Variants in UBC observed in about 807,000 individuals in gnomAD.
UBC encodes the protein polyubiquitin-C.
Under a neutral mutation model 34.7 loss-of-function variants are expected in UBC, and 8 were observed. The ratio of observed to expected loss-of-function variants is 0.23; its 90% CI spans 0.14 to 0.42. The LOEUF (loss-of-function observed/expected upper bound fraction) is 0.42. Ranked by LOEUF, UBC falls within the 10% of genes least tolerant of loss-of-function variation. UBC has a pLI of 1.00. For missense variants in UBC, 323 were observed against 750.3 expected, an observed-to-expected ratio of 0.43 and a Z score of 6.65; for synonymous variants, 367 against 299.8, an observed-to-expected ratio of 1.22 and a Z score of -2.32.
In UBC at chr12:124,913,085, C is replaced by T. The variant is rs1953546677; in HGVS notation, c.687G>A (p.Met229Ile). ...CAGTGAGTGTCTTCACGAAGATTTGCATCCCACCTCTGAGACGGAGTACCA... is the reference window on the plus strand; with the variant it reads ...CAGTGAGTGTCTTCACGAAGATTTGTATCCCACCTCTGAGACGGAGTACCA... Reference protein sequence around the residue: ...LHLVLRLRGGMQIFVKTLTGK... With the variant: ...LHLVLRLRGGIQIFVKTLTGK... The change falls in exon 2 of 2, where the codon ATG becomes ATA. Residue 229 changes from methionine to isoleucine, a missense_variant. This residue lies in a region of UBC where 202 missense variants were observed against 361.9 expected (regional missense o/e 0.56). Transcript: ENST00000339647. 5 of 1,609,386 alleles carry T rather than the reference C, an allele frequency of 3.1e-6. No individual in the cohort carries two copies. The highest frequency in any genetic ancestry group is 4.2e-6 in the Non-Finnish European group (5 of 1,178,152).
intron 1 of UBC, chr12:124,914,342 G>A (rs1022458208): frequency 3.2e-5 from 5 of 157,638 alleles, no homozygotes; most frequent in African/African-American, 1.2e-4. Flanking sequence ...CAAGACCTTG[G>A]GTTCTTGCCG....
Position 124,913,012 on chromosome 12 carries a change from C to G in UBC, c.760G>C (p.Val254Leu). The G allele has an allele frequency of 6.2e-7, 1 of 1,611,150 alleles. No homozygotes were observed. The highest frequency in any genetic ancestry group is 8.5e-7 in the Non-Finnish European group (1 of 1,178,980). The change falls in exon 2 of 2, where the codon GTC becomes CTC. Residue 254 changes from valine (V) to leucine (L), a missense_variant. This residue lies in a region of UBC where 202 missense variants were observed against 361.9 expected (regional missense o/e 0.56). Coordinates refer to ENST00000339647, the MANE Select transcript of UBC (RefSeq NM_021009.7). ...TCCTTGTCTTGGATCTTTGCTTTGA[C>G]GTTCTCGATAGTGTCACTGGGCTCG... is the stretch of plus-strand genomic sequence containing the variant. ...EVEPSDTIEN[V>L]KAKIQDKEGI...
At chr12:124,914,050 G>C (rs566972443) in intron 1 of UBC, 3 of 489,294 alleles carry the variant, frequency 6.1e-6, no homozygotes, top group Non-Finnish European at 1.1e-5. Flanking sequence ...CCCTAGGCCC[G>C]AACCCTGCGT....
chr12:124,914,074 A>G (rs890300472), intron 1 of UBC: 1 of 433,572 alleles, frequency 2.3e-6, no homozygotes, highest in Non-Finnish European at 4.1e-6. Context: ...GCGACGGAGA[A>G]AAGCCTACCG....
chr12:124,914,113 G>GC (rs1566303503), intron 1 of UBC: 2 of 333,904 alleles, frequency 6.0e-6, no homozygotes, highest in Non-Finnish European at 1.1e-5. Context: ...GCCCCACCCT[G>GC]CATTATAAGC....
rs775191191 is a variant in UBC at position 124,913,777 on chromosome 12, A to G, written c.-3-3T>C. ...GTCTTCACGAAGATCTGCATTGTCT[A>G]ACAAAAAAGCCAAAAACGGCCAGAA... On this transcript the variant is annotated splice_polypyrimidine_tract_variant and splice_region_variant and intron_variant, in intron 1 of 1. Coordinates refer to ENST00000339647, the MANE Select transcript of UBC (RefSeq NM_021009.7). 6.2e-7 allele frequency: 1 copy of G among 1,613,644 alleles called. No homozygotes were observed. The highest frequency in any genetic ancestry group is 1.7e-5 in the Admixed American group (1 of 59,864).
In UBC at chr12:124,911,763, T is replaced by C; in HGVS notation, c.2009A>G (p.Gln670Arg). 1 of 1,613,976 alleles carries C rather than the reference T, an allele frequency of 6.2e-7. No homozygotes were observed. Among genetic ancestry groups the C allele is most frequent in the Non-Finnish European group, 8.5e-7 (1 of 1,179,866 alleles). ...GACCAAGTGCAGAGTGGACTCTTTCTGGATGTTGTAGTCAGACAGGGTGCG... is the reference window on the plus strand; with the variant it reads ...GACCAAGTGCAGAGTGGACTCTTTCCGGATGTTGTAGTCAGACAGGGTGCG... ...DGRTLSDYNI[Q>R]KESTLHLVLR... Residue 670 changes from glutamine to arginine, a missense_variant, in exon 2 of 2, where the codon CAG (glutamine) becomes CGG (arginine). Gln to Arg is a conservative substitution (Grantham distance 43, BLOSUM62 1). Transcript: ENST00000339647.
In UBC at chr12:124,913,374, G is replaced by C. The variant is rs1953553837; in HGVS notation, c.398C>G (p.Ser133Cys). ...AGACTCTTTCTGGATGTTGTAGTCA[G>C]ACAGGGTGCGCCCATCTTCCAGCTG... ...GKQLEDGRTL[S>C]DYNIQKESTL... Residue 133 changes from serine (S) to cysteine (C), a missense_variant, in exon 2 of 2, where the codon TCT (serine) becomes TGT (cysteine). Physicochemically the swap from Ser to Cys is moderately radical, Grantham distance 112. Around this residue, in one of 5 missense-constraint regions of UBC, gnomAD observed 202 missense variants for 361.9 expected, o/e 0.56. Coordinates refer to ENST00000339647, the MANE Select transcript of UBC (RefSeq NM_021009.7). The C allele has an allele frequency of 6.2e-7, 1 of 1,609,676 alleles. No homozygotes were observed. Among genetic ancestry groups the C allele is most frequent in the African/African-American group, 1.4e-5 (1 of 73,428 alleles).
At position 124,913,596 on chromosome 12, in the gene UBC, T is replaced by C. The variant is rs2135907076; in HGVS notation, c.176A>G (p.Tyr59Cys). The change falls in exon 2 of 2, where the codon TAC becomes TGC. Residue 59 changes from tyrosine (Y) to cysteine (C), a missense_variant. By Grantham distance (194) the Tyr-to-Cys change is radical. Coordinates refer to ENST00000339647, the MANE Select transcript of UBC (RefSeq NM_021009.7). ...CAGGGTGGACTCTTTCTGGATGTTG[T>C]AGTCAGACAGGGTGCGCCCATCTTC... ...QLEDGRTLSD[Y>C]NIQKESTLHL... The C allele has an allele frequency of 6.2e-7, 1 of 1,611,958 alleles. No homozygotes were observed. The highest frequency in any genetic ancestry group is 8.5e-7 in the Non-Finnish European group (1 of 1,179,152).
Position 124,913,616 on chromosome 12 carries a change from A to G in UBC, c.156T>C (p.Asp52=). The G allele has an allele frequency of 6.2e-7, 1 of 1,613,188 alleles. No homozygotes were observed. The highest frequency in any genetic ancestry group is 8.5e-7 in the Non-Finnish European group (1 of 1,179,670). Residue 52 remains aspartate, a synonymous_variant, in exon 2 of 2, where the codon GAT becomes GAC. Transcript: ENST00000339647. ...TGTTGTAGTCAGACAGGGTGCGCCCATCTTCCAGCTGTTTTCCAGCAAAGA... is the reference window on the plus strand; with the variant it reads ...TGTTGTAGTCAGACAGGGTGCGCCCGTCTTCCAGCTGTTTTCCAGCAAAGA... ...RLIFAGKQLE[D]GRTLSDYNIQ...
At position 124,912,029 on chromosome 12, in the gene UBC, C is replaced by T; in HGVS notation, c.1743G>A (p.Gln581=). The change falls in exon 2 of 2, where the codon CAG becomes CAA. Residue 581 remains glutamine, a synonymous_variant. Coordinates refer to ENST00000339647, the MANE Select transcript of UBC (RefSeq NM_021009.7). Reference sequence around the variant, plus strand: ...CAGACAGGGTGCGTCCATCTTCCAGCTGTTTCCCAGCAAAGATCAACCTCT... The same window carrying T: ...CAGACAGGGTGCGTCCATCTTCCAGTTGTTTCCCAGCAAAGATCAACCTCT... ...DQQRLIFAGK[Q]LEDGRTLSDY... is the part of the protein sequence containing the mutation. 2 of 1,168,406 alleles carry T rather than the reference C, an allele frequency of 1.7e-6. No homozygotes were observed. The highest frequency in any genetic ancestry group is 2.5e-6 in the Non-Finnish European group (2 of 808,224). 72.4% of individuals were successfully genotyped at this position (1,168,406 alleles called of 1,614,324 possible).
At position 124,913,112 on chromosome 12, in the gene UBC, G is replaced by A. The variant is rs372528159; in HGVS notation, c.660C>T (p.His220=). Residue 220 remains histidine, a synonymous_variant, in exon 2 of 2, where the codon CAC becomes CAT. Transcript: ENST00000339647. ...DYNIQKESTL[H]LVLRLRGGMQ... ...TCCCACCTCTGAGACGGAGTACCAG[G>A]TGCAAGGTGGACTCTTTCTGGATGT... 11 of 1,608,340 alleles carry A rather than the reference G, an allele frequency of 6.8e-6. No individual in the cohort carries two copies. The highest frequency in any genetic ancestry group is 6.8e-5 in the African/African-American group (5 of 73,436).
chr12:124,913,931 G>C, intron 1 of UBC, 157 bp from the exon 2 acceptor site: 2 of 1,156,378 alleles, frequency 1.7e-6, no homozygotes, highest in Non-Finnish European at 1.2e-6. Context: ...CAAAACCGGA[G>C]CTTCAGCTAC....
Position 124,913,605 on chromosome 12 carries a change from A to G in UBC, c.167T>C (p.Leu56Pro). 6.2e-7 allele frequency: 1 copy of G among 1,612,294 alleles called. No homozygotes were observed. The change falls in exon 2 of 2, where the codon CTG becomes CCG. Residue 56 changes from leucine to proline, a missense_variant. Physicochemically the swap from Leu to Pro is moderately conservative, Grantham distance 98. Transcript: ENST00000339647. The part of the protein sequence containing the change: ...AGKQLEDGRT[L>P]SDYNIQKEST... ...CTCTTTCTGGATGTTGTAGTCAGAC[A>G]GGGTGCGCCCATCTTCCAGCTGTTT...
At position 124,913,731 on chromosome 12, in the gene UBC, G is replaced by T; in HGVS notation, c.41C>A (p.Thr14Asn). The change falls in exon 2 of 2, where the codon ACC becomes AAC. Residue 14 changes from threonine (T) to asparagine (N), a missense_variant. Around this residue, in one of 5 missense-constraint regions of UBC, gnomAD observed 202 missense variants for 361.9 expected, o/e 0.56. Coordinates refer to ENST00000339647, the MANE Select transcript of UBC (RefSeq NM_021009.7). ...GGTGTCACTGGGCTCAACCTCGAGG[G>T]TGATGGTCTTACCAGTCAGAGTCTT... Reference protein sequence around the residue: ...FVKTLTGKTITLEVEPSDTIE... With the variant: ...FVKTLTGKTINLEVEPSDTIE... The T allele has an allele frequency of 6.2e-7, 1 of 1,614,238 alleles. No homozygotes were observed. The highest frequency in any genetic ancestry group is 8.5e-7 in the Non-Finnish European group (1 of 1,180,044).
rs1953560743 is a variant in UBC at position 124,913,739 on chromosome 12, C to T, written c.33G>A (p.Lys11=). The T allele has an allele frequency of 1.2e-6, 2 of 1,614,100 alleles. No homozygotes were observed. Among genetic ancestry groups the T allele is most frequent in the Admixed American group, 1.7e-5 (1 of 60,002 alleles). MQIFVKTLTG[K]TITLEVEPSD... Reference sequence around the variant, plus strand: ...TGGGCTCAACCTCGAGGGTGATGGTCTTACCAGTCAGAGTCTTCACGAAGA... The same window carrying T: ...TGGGCTCAACCTCGAGGGTGATGGTTTTACCAGTCAGAGTCTTCACGAAGA... The change falls in exon 2 of 2, where the codon AAG becomes AAA. Residue 11 remains lysine, a synonymous_variant. Coordinates refer to ENST00000339647, the MANE Select transcript of UBC (RefSeq NM_021009.7).
At position 124,911,927 on chromosome 12, in the gene UBC, G is replaced by C. The variant is rs1071728; in HGVS notation, c.1845C>G (p.Thr615=). The change falls in exon 2 of 2, where the codon ACC becomes ACG. Residue 615 remains threonine (T), a synonymous_variant. Coordinates refer to ENST00000339647, the MANE Select transcript of UBC (RefSeq NM_021009.7). ...CGAGGGTGATGGTCTTACCAGTCAG[G>C]GTCTTCACGAAGATTTGCATCCCAC... ...LRGGMQIFVK[T]LTGKTITLEV... is the part of the protein sequence containing the mutation. 7.5e-6 allele frequency: 12 copies of C among 1,604,932 alleles called. No individual in the cohort carries two copies. Among genetic ancestry groups the C allele is most frequent in the Middle Eastern group, 1.7e-4 (1 of 6,040 alleles).
In UBC at chr12:124,914,607, C is replaced by G. The variant is rs1405786796; in HGVS notation, c.-24G>C. On this transcript the variant is annotated 5_prime_UTR_variant, in exon 1 of 2. Transcript: ENST00000339647. ...CTCACCAAGTGACGATCACAGCGATCCACAAACAAGAACTGCGACCCAAAT... is the reference window on the plus strand; with the variant it reads ...CTCACCAAGTGACGATCACAGCGATGCACAAACAAGAACTGCGACCCAAAT... 6.6e-6 allele frequency: 1 copy of G among 152,482 alleles called. No individual in the cohort carries two copies. The highest frequency in any genetic ancestry group is 1.5e-5 in the Non-Finnish European group (1 of 68,236). The allele number at this position is 152,482 out of a possible 1,614,324, so 9.4% of individuals were successfully genotyped here. A position where few individuals can be genotyped will look rare whatever the true frequency, so the allele number is the denominator to read the frequency against.
chr12:124,914,608 CACA>C lies in UBC; in HGVS notation c.-28_-26del, dbSNP rs1953589345. 6.6e-6 allele frequency: 1 copy of C among 152,504 alleles called. No homozygotes were observed. Among genetic ancestry groups the C allele is most frequent in the Non-Finnish European group, 1.5e-5 (1 of 68,240 alleles). The allele number at this position is 152,504 out of a possible 1,614,324, so 9.4% of individuals were successfully genotyped here. A position where few individuals can be genotyped will look rare whatever the true frequency, so the allele number is the denominator to read the frequency against. ...TCACCAAGTGACGATCACAGCGATC[CACA>C]AACAAGAACTGCGACCCAAATCCCG... On this transcript the variant is annotated 5_prime_UTR_variant, in exon 1 of 2. Transcript: ENST00000339647.
Sources: allele counts gnomAD v4.1 joint callset, GRCh38; gene constraint gnomAD v4.1.1; regional missense constraint gnomAD v4.1.1; transcripts MANE v1.5; gene names NCBI Gene and HGNC (gene_info 2026-07-23, HGNC 2026-07-21).